ARHGAP35: variants seen among roughly 807,000 people sequenced by gnomAD.
ARHGAP35 encodes Rho GTPase activating protein 35.
In ARHGAP35, 15 loss-of-function variants were observed where a neutral mutation model predicts 111.1. The observed-to-expected ratio is 0.13, with a 90% CI of 0.09 to 0.21. The LOEUF (loss-of-function observed/expected upper bound fraction) is 0.21, where lower values mean the gene tolerates loss of function less well. Ranked by LOEUF, ARHGAP35 falls within the 10% of genes least tolerant of loss-of-function variation. The pLI, the probability that ARHGAP35 is intolerant of heterozygous loss-of-function variation, is 1.00. For synonymous variants in ARHGAP35, 643 were observed against 710.3 expected (o/e 0.91, Z 1.51); for missense variants, 1,262 against 1,873.0 (o/e 0.67, Z 6.02).
intron 1 of ARHGAP35, among the ~76,000 whole-genome samples, chr19:46,872,859 C>T (rs537497604): frequency 2.3e-3 from 323 of 143,456 alleles, no homozygotes; most frequent in Non-Finnish European, 3.5e-3. Flanking sequence ...CCGGCCTGGG[C>T]GACAGAGCAA....
intron 1 of ARHGAP35, among the ~76,000 whole-genome samples, chr19:46,879,430 T>C (rs1020515609): frequency 1.4e-5 from 2 of 143,488 alleles, no homozygotes; most frequent in African/African-American, 5.2e-5. Flanking sequence ...CTACTAAAAA[T>C]ACAAAAATTA....
chr19:47,002,851 C>T lies in ARHGAP35; in HGVS notation c.*2163C>T, dbSNP rs1040285534. 6.6e-6 allele frequency: 1 copy of T among 152,274 alleles called. No individual in the cohort carries two copies. Among genetic ancestry groups the T allele is most frequent in the Non-Finnish European group, 1.5e-5 (1 of 68,104 alleles). 9.4% of individuals were successfully genotyped at this position (152,274 alleles called of 1,614,324 possible). A position where few individuals can be genotyped will look rare whatever the true frequency, so the allele number is the denominator to read the frequency against. Reference sequence around the variant, plus strand: ...CGTCCCAAGCCACCTGGCCCGATTCCACAGATGTATGTGCGGCCAGTGACT... The same window carrying T: ...CGTCCCAAGCCACCTGGCCCGATTCTACAGATGTATGTGCGGCCAGTGACT... On this transcript the variant is annotated 3_prime_UTR_variant, in exon 7 of 7. Coordinates refer to ENST00000672722, the MANE Select transcript of ARHGAP35 (RefSeq NM_004491.5).
chr19:46,939,412 T>TATTA lies in ARHGAP35; in HGVS notation c.3826+2005_3826+2008dup, dbSNP rs538588617. Among the ~76,000 whole-genome samples, 88 of 125,990 alleles carry TATTA rather than the reference T, an allele frequency of 7.0e-4. 1 individual carries two copies. In the South Asian group the frequency reaches 0.012, roughly 18 times the overall value. 82.7% of individuals were successfully genotyped at this position (125,990 alleles called of 152,430 possible). A position where few individuals can be genotyped will look rare whatever the true frequency, so the allele number is the denominator to read the frequency against. On this transcript the variant is annotated intron_variant, in intron 3 of 6. Coordinates refer to ENST00000672722, the MANE Select transcript of ARHGAP35 (RefSeq NM_004491.5). ...TTATTTATTTATTTATTTATTTATT[T>TATTA]ATTATTTAATTTTTTTAGATGGAGT...
chr19:46,978,656 TGG>T (rs1361431356), intron 3 of ARHGAP35, among the ~76,000 whole-genome samples: 1 of 67,156 alleles, frequency 1.5e-5, no homozygotes, highest in African/African-American at 6.3e-5. Flanking sequence ...GTGTGTGTGG[TGG>T]GTGTGTGTGG....
In ARHGAP35 at chr19:46,986,135, T is replaced by C. The variant is rs2056648712; in HGVS notation, c.3827-1854T>C. Among the ~76,000 whole-genome samples the C allele has an allele frequency of 2.0e-5, 3 of 152,162 alleles. No individual in the cohort carries two copies. In the South Asian group the frequency reaches 6.2e-4, roughly 32 times the overall value. On this transcript the variant is annotated intron_variant, in intron 3 of 6. Coordinates refer to ENST00000672722, the MANE Select transcript of ARHGAP35 (RefSeq NM_004491.5). This position sits in a 1 kb window ranked among gnomAD's most constrained non-coding sequence, Gnocchi z 4.3. ...GTCTTCAGAAGGGACCCAGGGTTGC[T>C]TTAGCCATGAGACCCCATGTCAGTT...
intron 3 of ARHGAP35, among the ~76,000 whole-genome samples, chr19:46,984,340 G>T (rs1319311760): frequency 2.6e-5 from 4 of 152,190 alleles, no homozygotes; most frequent in African/African-American, 9.7e-5. Flanking sequence ...GAACAGTGGG[G>T]TGTTCTAGAC....
intron 1 of ARHGAP35, among the ~76,000 whole-genome samples, chr19:46,897,946 T>G (rs1375692952): frequency 6.6e-6 from 1 of 152,148 alleles, no homozygotes; most frequent in Non-Finnish European, 1.5e-5. Context: ...TCATTCCCAA[T>G]CTGTGAATTC....
At chr19:46,932,129 A>T (rs964484302) in intron 2 of ARHGAP35, among the ~76,000 whole-genome samples, 3 of 152,190 alleles carry the variant, frequency 2.0e-5, no homozygotes, top group Admixed American at 6.5e-5. Flanking sequence ...TAAAAATACA[A>T]AAACTTGCTG....
chr19:46,878,545 T>G (rs1398786944), intron 1 of ARHGAP35, among the ~76,000 whole-genome samples: 1 of 151,832 alleles, frequency 6.6e-6, no homozygotes, highest in African/African-American at 2.4e-5. Flanking sequence ...TCTCAAACTC[T>G]TAGCCTCAAG....
chr19:46,938,409 A>G (rs2056323142), intron 3 of ARHGAP35, among the ~76,000 whole-genome samples: 1 of 152,008 alleles, frequency 6.6e-6, no homozygotes, highest in Admixed American at 6.6e-5. Context: ...GCTGGAGTGC[A>G]GTGACACGAT....
In ARHGAP35 at chr19:46,953,905, G is replaced by A. The variant is rs139328491; in HGVS notation, c.3826+16497G>A. 2.0e-3 allele frequency among the ~76,000 whole-genome samples: 311 copies of A among 152,286 alleles called. 2 individuals are homozygous for A. Among genetic ancestry groups the A allele is most frequent in the African/African-American group, 7.0e-3 (290 of 41,566 alleles). On this transcript the variant is annotated intron_variant, in intron 3 of 6. Transcript: ENST00000672722. ...GTCGTTGTTAAACACTGTTCCTGCTGCCTAATATGTTGTTTCCTCTCCCAT... is the reference window on the plus strand; with the variant it reads ...GTCGTTGTTAAACACTGTTCCTGCTACCTAATATGTTGTTTCCTCTCCCAT...
rs554588887 is a variant in ARHGAP35 at position 46,989,260 on chromosome 19, G to T, written c.3905-284G>T. The T allele has an allele frequency of 1.1e-4, 36 of 317,960 alleles. 1 individual carries two copies. Among genetic ancestry groups the T allele is most frequent in the African/African-American group, 6.7e-4 (32 of 48,042 alleles). 19.7% of individuals were successfully genotyped at this position (317,960 alleles called of 1,614,324 possible). A position where few individuals can be genotyped will look rare whatever the true frequency, so the allele number is the denominator to read the frequency against. On this transcript the variant is annotated intron_variant, in intron 4 of 6. Transcript: ENST00000672722. This position sits in a 1 kb window ranked among gnomAD's most constrained non-coding sequence, Gnocchi z 5.3. ...AACAGCATATCAAAGCCAGATGAAG[G>T]CAAGCTCCTGGCACCAAAAACCAGC...
chr19:46,902,824 C>T (rs578216599), intron 1 of ARHGAP35, among the ~76,000 whole-genome samples: 1 of 152,260 alleles, frequency 6.6e-6, no homozygotes, highest in South Asian at 2.1e-4. Context: ...CCCCAACATA[C>T]ACAGCAAGAA....
Position 46,965,066 on chromosome 19 carries a change from G to A in ARHGAP35, c.3827-22923G>A, listed in dbSNP as rs1056020584. On this transcript the variant is annotated intron_variant, in intron 3 of 6. Coordinates refer to ENST00000672722, the MANE Select transcript of ARHGAP35 (RefSeq NM_004491.5). Reference sequence around the variant, plus strand: ...GGTGGCTCACGCCTGTAATCCCAGCGCTTTGGGAGGCCGAGGCGGGCGGAT... The same window carrying A: ...GGTGGCTCACGCCTGTAATCCCAGCACTTTGGGAGGCCGAGGCGGGCGGAT... Among the ~76,000 whole-genome samples, 183 of 152,116 alleles carry A rather than the reference G, an allele frequency of 1.2e-3. 4 individuals carry two copies. Among genetic ancestry groups the A allele is most frequent in the Non-Finnish European group, 4.3e-4 (29 of 67,980 alleles).
chr19:46,960,955 C>T (rs1011817022), intron 3 of ARHGAP35, among the ~76,000 whole-genome samples: 4 of 149,482 alleles, frequency 2.7e-5, no homozygotes, highest in Non-Finnish European at 4.4e-5. Flanking sequence ...AGTGCAGTGG[C>T]GCAATCTCGG....
rs756419845 is a variant in ARHGAP35, at chr19:46,921,420, T to C, written c.2745T>C (p.Ile915=). The C allele has an allele frequency of 3.7e-6, 6 of 1,613,908 alleles. No homozygotes were observed. The highest frequency in any genetic ancestry group is 4.2e-6 in the Non-Finnish European group (5 of 1,179,860). ...AGGGGGAGGAGATTGCTCAAGAAAT[T>C]GACGGAAGGTTCACAAGCATCCCCT... is the stretch of plus-strand genomic sequence containing the variant. The part of the protein sequence containing the change: ...LTEGEEIAQE[I]DGRFTSIPCS... Residue 915 remains isoleucine, a synonymous_variant, in exon 2 of 7, where the codon ATT becomes ATC. Transcript: ENST00000672722. The surrounding 1 kb of genome is among the most constrained non-coding windows in gnomAD (Gnocchi z 4.3).
At chr19:46,884,609 A>C (rs1395520852) in intron 1 of ARHGAP35, among the ~76,000 whole-genome samples, 2 of 144,716 alleles carry the variant, frequency 1.4e-5, no homozygotes, top group Non-Finnish European at 3.0e-5. Context: ...CAGATGATCC[A>C]TCTCAGTGTC....
At chr19:46,902,312 C>A (rs1211921897) in intron 1 of ARHGAP35, among the ~76,000 whole-genome samples, 4 of 152,166 alleles carry the variant, frequency 2.6e-5, no homozygotes, top group African/African-American at 9.7e-5. Flanking sequence ...TGGAATGATA[C>A]AGGTTTATGG....
At chr19:46,974,594 C>A (rs549837316) in intron 3 of ARHGAP35, among the ~76,000 whole-genome samples, 3 of 152,278 alleles carry the variant, frequency 2.0e-5, no homozygotes, top group African/African-American at 7.2e-5. Flanking sequence ...TCTCCCAGCA[C>A]CTCGATGTGT....
Sources: allele counts gnomAD v4.1 joint callset (sites outside exome capture counted in the v4.1 genomes callset), GRCh38; gene constraint gnomAD v4.1.1; non-coding constraint Gnocchi (gnomAD v3.1); transcripts MANE v1.5; gene names NCBI Gene and HGNC (gene_info 2026-07-23, HGNC 2026-07-21).